TUSC3: variants seen among roughly 807,000 people sequenced by gnomAD.
TUSC3 encodes the protein dolichyl-diphosphooligosaccharide--protein glycosyltransferase subunit TUSC3.
TUSC3 carries 45 observed loss-of-function variants against 44.8 expected under a neutral mutation model. The observed-to-expected ratio is 1.00, with a 90% CI of 0.79 to 1.29. The LOEUF (loss-of-function observed/expected upper bound fraction) is 1.29, where lower values mean the gene tolerates loss of function less well. Ranked by LOEUF, TUSC3 falls within the 50% of genes most tolerant of loss-of-function variation. TUSC3 has a pLI of 0.00. For missense variants in TUSC3, 519 were observed against 437.9 expected (o/e 1.19, Z -1.65); for synonymous variants, 212 against 152.9 (o/e 1.39, Z -2.85).
intron 1 of TUSC3, among the ~76,000 whole-genome samples, chr8:15,556,354 T>A (rs1414658014): frequency 1.3e-5 from 2 of 150,752 alleles, no homozygotes; most frequent in Non-Finnish European, 3.0e-5. Context: ...TATGGCTGCA[T>A]AGTATTCCAT....
chr8:15,775,763 T>C, the TUSC3 span, among the ~76,000 whole-genome samples: 1 of 147,504 alleles, frequency 6.8e-6, no homozygotes, highest in East Asian at 2.0e-4. Context: ...TATATATATA[T>C]ATATATATAT....
At chr8:15,782,705 C>A in the TUSC3 span, among the ~76,000 whole-genome samples, 9,431 of 152,138 alleles carry the variant, frequency 0.062, 309 homozygotes, top group Non-Finnish European at 0.079. Context: ...GATAAAAACT[C>A]TCATCAAATT....
the TUSC3 span, among the ~76,000 whole-genome samples, chr8:15,843,204 G>A: frequency 1.3e-5 from 2 of 152,190 alleles, no homozygotes; most frequent in East Asian, 1.9e-4. Flanking sequence ...TTTATTTATG[G>A]CAAACACACT....
chr8:15,730,781 T>C, intron 7 of TUSC3, 52 bp downstream of exon 7: 6 of 1,562,786 alleles, frequency 3.8e-6, no homozygotes, highest in Non-Finnish European at 5.3e-6. Context: ...AAGCTACATG[T>C]TTTTAAATTG....
intron 1 of TUSC3, among the ~76,000 whole-genome samples, chr8:15,450,207 A>T (rs556211443): frequency 1.6e-4 from 25 of 152,276 alleles, no homozygotes; most frequent in African/African-American, 6.0e-4. Context: ...ATGTGTGTTT[A>T]TCTGTTTATC....
chr8:15,748,885 C>G (rs1811541955), intron 9 of TUSC3: 6 of 387,614 alleles, frequency 1.5e-5, no homozygotes, highest in South Asian at 1.1e-4. Flanking sequence ...TAAGAGCCAA[C>G]ATGAAAGGGA....
intron 5 of TUSC3, among the ~76,000 whole-genome samples, chr8:15,666,573 C>G (rs1057320767): frequency 2.0e-5 from 3 of 151,314 alleles, no homozygotes; most frequent in African/African-American, 7.3e-5. Flanking sequence ...TTTCTTGTGA[C>G]CATTCAAAGT....
At chr8:15,731,866 A>T (rs1200686159) in intron 7 of TUSC3, among the ~76,000 whole-genome samples, 1 of 152,122 alleles carries the variant, frequency 6.6e-6, no homozygotes. Context: ...TATTCAAGCA[A>T]CCTATTTTAT....
At position 15,689,597 on chromosome 8, in the gene TUSC3, A is replaced by C. The variant is rs556006521; in HGVS notation, c.798+15761A>C. On this transcript the variant is annotated intron_variant, in intron 6 of 10. Coordinates refer to ENST00000503731, the MANE Select transcript of TUSC3 (RefSeq NM_006765.4). Reference sequence around the variant, plus strand: ...TAACGACACAGACACCAACCCACCAACACCATGCCTGGCAATCGTGGCTGT... The same window carrying C: ...TAACGACACAGACACCAACCCACCACCACCATGCCTGGCAATCGTGGCTGT... The C allele has an allele frequency of 1.9e-5, 3 of 155,886 alleles. No homozygotes were observed. In the South Asian group the frequency reaches 5.6e-4, roughly 29 times the overall value. 9.7% of individuals were successfully genotyped at this position (155,886 alleles called of 1,614,324 possible).
At chr8:15,665,685 GA>G (rs929927735) in intron 5 of TUSC3, among the ~76,000 whole-genome samples, 3 of 151,052 alleles carry the variant, frequency 2.0e-5, no homozygotes, top group Non-Finnish European at 4.5e-5. Context: ...TTTAAACAGT[GA>G]GATTAAATTT....
the TUSC3 span, chr8:15,806,100 A>G: frequency 2.6e-6 from 1 of 388,344 alleles, no homozygotes; most frequent in Non-Finnish European, 5.0e-6. Flanking sequence ...GCTGAGCTGT[A>G]CTCAGCTTTG....
chr8:15,622,940 C>T, intron 1 of TUSC3, 140 bp from the exon 2 acceptor site: 1 of 868,062 alleles, frequency 1.2e-6, no homozygotes, highest in Non-Finnish European at 1.7e-6. Flanking sequence ...TTTCTAGGAG[C>T]AGAAATATGG....
intron 1 of TUSC3, among the ~76,000 whole-genome samples, chr8:15,597,107 G>A (rs772008706): frequency 9.2e-5 from 14 of 152,070 alleles, no homozygotes; most frequent in African/African-American, 1.4e-4. Context: ...GAGATACAGT[G>A]ATAAATAGAA....
chr8:15,509,099 A>G (rs1801098279), intron 2 of TUSC3, among the ~76,000 whole-genome samples: 1 of 152,206 alleles, frequency 6.6e-6, no homozygotes, highest in South Asian at 2.1e-4. Flanking sequence ...GGGAGAGAGA[A>G]AAAAGAATAG....
intron 2 of TUSC3, 116 bp downstream of exon 2, chr8:15,623,365 T>C (rs1207008553): frequency 9.5e-7 from 1 of 1,055,988 alleles, no homozygotes; most frequent in African/African-American, 1.6e-5. Flanking sequence ...TAGTCAAATA[T>C]AACTGTGCAT....
intron 1 of TUSC3, among the ~76,000 whole-genome samples, chr8:15,475,409 C>G (rs761613359): frequency 6.6e-6 from 1 of 152,114 alleles, no homozygotes; most frequent in Non-Finnish European, 1.5e-5. Flanking sequence ...TTTAAGTAGT[C>G]TCATTTTTAG....
chr8:15,494,416 C>G (rs952721042), intron 2 of TUSC3, among the ~76,000 whole-genome samples: 1 of 150,828 alleles, frequency 6.6e-6, no homozygotes, highest in Non-Finnish European at 1.5e-5. Context: ...CTCCCAGGTT[C>G]AAGTGATTCT....
intron 2 of TUSC3, 36 bp downstream of exon 2, chr8:15,623,285 A>G: frequency 6.5e-7 from 1 of 1,532,618 alleles, no homozygotes; most frequent in Non-Finnish European, 8.8e-7. Context: ...AAAAACTATT[A>G]TTCTTGGTTT....
chr8:15,498,720 A>G (rs191299075), intron 2 of TUSC3, among the ~76,000 whole-genome samples: 1 of 152,156 alleles, frequency 6.6e-6, no homozygotes, highest in Non-Finnish European at 1.5e-5. Flanking sequence ...GTTCGAATGC[A>G]TTCCAGTTTT....
Sources: allele counts gnomAD v4.1 joint callset (sites outside exome capture counted in the v4.1 genomes callset), GRCh38; gene constraint gnomAD v4.1.1; transcripts MANE v1.5; gene names NCBI Gene and HGNC (gene_info 2026-07-23, HGNC 2026-07-21).